Variants in RNF157 observed in about 807,000 individuals in gnomAD.
RNF157 encodes ring finger protein 157, also known as E3 ubiquitin ligase RNF157.
In RNF157, 55 loss-of-function variants were observed where a neutral mutation model predicts 88.3. The ratio of observed to expected loss-of-function variants is 0.62; its 90% CI spans 0.50 to 0.78. The LOEUF (loss-of-function observed/expected upper bound fraction) is 0.78, where lower values mean the gene tolerates loss of function less well. RNF157 is among the 30% of genes least tolerant of loss of function. The probability of loss-of-function intolerance (pLI) is 0.00; values close to 1 mark genes in which losing one functional copy is unlikely to be tolerated. For missense variants in RNF157, 788 were observed against 860.8 expected (o/e 0.92, Z 1.06); for synonymous variants, 334 against 341.2 (o/e 0.98, Z 0.23).
intron 2 of RNF157, among the ~76,000 whole-genome samples, chr17:76,205,582 G>A (rs1452967289): frequency 2.0e-5 from 3 of 152,104 alleles, no homozygotes; most frequent in East Asian, 3.8e-4. Context: ...AAAACTAGCT[G>A]AGCGTGGTGG....
At chr17:76,167,517 A>T (rs767362051) in intron 4 of RNF157, 134 bp downstream of exon 4, 7 of 1,305,242 alleles carry the variant, frequency 5.4e-6, no homozygotes, top group Non-Finnish European at 7.5e-6. Context: ...TGGATAAGAC[A>T]TGGACTCTCC....
rs2144850289 is a variant in RNF157, at chr17:76,165,535, G to A, written c.639C>T (p.Gly213=). The stretch of plus-strand genomic sequence containing the variant: ...AAGTACCCAGCAGTACATGGCAATG[G>A]CCAAAATACTCTGAAAGAAACAAAG... The part of the protein sequence containing the change: ...AVVDEGDEYF[G]HCHVLLGTFE... Residue 213 remains glycine, a synonymous_variant, in exon 7 of 19, where the codon GGC becomes GGT. Coordinates refer to ENST00000269391, the MANE Select transcript of RNF157 (RefSeq NM_052916.3). 1.2e-6 allele frequency: 2 copies of A among 1,614,166 alleles called. No homozygotes were observed. Among genetic ancestry groups the A allele is most frequent in the East Asian group, 2.2e-5 (1 of 44,886 alleles).
At chr17:76,182,810 G>GATATATATCCTATATATCCT (rs1443960254) in intron 2 of RNF157, among the ~76,000 whole-genome samples, 2 of 114,272 alleles carry the variant, frequency 1.8e-5, no homozygotes, top group South Asian at 2.7e-4. Flanking sequence ...ATATGAGAGA[G>GATATATATCCTATATATCCT]ATATATATCC....
chr17:76,216,102 G>T (rs1350894796), intron 1 of RNF157, among the ~76,000 whole-genome samples: 1 of 152,190 alleles, frequency 6.6e-6, no homozygotes, highest in Non-Finnish European at 1.5e-5. Flanking sequence ...AATTGGAAAA[G>T]TTAAAGATGT....
chr17:76,175,548 C>T (rs2069089832), intron 2 of RNF157, among the ~76,000 whole-genome samples: 1 of 152,142 alleles, frequency 6.6e-6, no homozygotes, highest in Non-Finnish European at 1.5e-5. Context: ...CCCAACTTTC[C>T]TAGGCTGTCA....
intron 1 of RNF157, among the ~76,000 whole-genome samples, chr17:76,237,825 A>G (rs1161266673): frequency 6.6e-6 from 1 of 151,976 alleles, no homozygotes; most frequent in African/African-American, 2.4e-5. Flanking sequence ...TCACACCCGT[A>G]ATCCCAGCAC....
At chr17:76,154,525 G>A (rs961582093) in intron 16 of RNF157, 197 bp from the exon 17 acceptor site, 1 of 597,110 alleles carries the variant, frequency 1.7e-6, no homozygotes, top group Non-Finnish European at 3.0e-6. Context: ...TCTGCCTACA[G>A]GGATTAGATC....
rs377693807 is a variant in RNF157, at chr17:76,159,844, A to T, written c.1066-271T>A. On this transcript the variant is annotated intron_variant, in intron 11 of 18. Transcript: ENST00000269391. ...CATAAAAGTAAAAGTAAGGAAAAAA[A>T]ATCACCAGTAATCAAATCACCCAAA... is the stretch of plus-strand genomic sequence containing the variant. Among the ~76,000 whole-genome samples the T allele has an allele frequency of 1.2e-4, 18 of 152,322 alleles. No individual in the cohort carries two copies. The South Asian group carries it at 3.1e-3, about 26-fold the overall frequency.
At position 76,213,329 on chromosome 17, in the gene RNF157, G is replaced by A. The variant is rs1329917369; in HGVS notation, c.89-847C>T. Among the ~76,000 whole-genome samples, 5 of 152,152 alleles carry A rather than the reference G, an allele frequency of 3.3e-5. No individual in the cohort carries two copies. In the East Asian group the frequency reaches 9.7e-4, roughly 29 times the overall value. On this transcript the variant is annotated intron_variant, in intron 1 of 18. Coordinates refer to ENST00000269391, the MANE Select transcript of RNF157 (RefSeq NM_052916.3). ...TCATGCCTGTAATCCCAGCACTTTG[G>A]GAGGCTGAGGAGGGCGGATCACTTG...
rs138554476 is a variant in RNF157 at position 76,206,900 on chromosome 17, C to T, written c.207+5464G>A. Among the ~76,000 whole-genome samples, 448 of 152,280 alleles carry T rather than the reference C, an allele frequency of 2.9e-3. 3 individuals are homozygous for T. The highest frequency in any genetic ancestry group is 0.01 in the African/African-American group (420 of 41,562). ...CATGCTGCTTTTTGTCCAGCAATTACAAGGAATCTTCCAAGCATTACATTA... is the reference window on the plus strand; with the variant it reads ...CATGCTGCTTTTTGTCCAGCAATTATAAGGAATCTTCCAAGCATTACATTA... On this transcript the variant is annotated intron_variant, in intron 2 of 18. Transcript: ENST00000269391.
intron 2 of RNF157, among the ~76,000 whole-genome samples, chr17:76,174,563 G>T (rs1598404588): frequency 6.6e-6 from 1 of 152,260 alleles, no homozygotes; most frequent in East Asian, 1.9e-4. Flanking sequence ...TGTTATTTGG[G>T]CAATCAAAAT....
At chr17:76,181,907 CAAA>C (rs36009510) in intron 2 of RNF157, among the ~76,000 whole-genome samples, 2 of 75,914 alleles carry the variant, frequency 2.6e-5, no homozygotes, top group Non-Finnish European at 2.8e-5. Flanking sequence ...GACTCTGTCT[CAAA>C]AAAAAAAAAA....
chr17:76,226,340 G>A (rs1295045394), intron 1 of RNF157: 2 of 1,600,090 alleles, frequency 1.2e-6, no homozygotes, highest in Admixed American at 1.7e-5. Flanking sequence ...GAAGGTGAAG[G>A]GGGCAACCTG....
intron 7 of RNF157, 58 bp from the exon 8 acceptor site, chr17:76,164,853 T>C: frequency 7.6e-7 from 1 of 1,316,508 alleles, no homozygotes; most frequent in South Asian, 1.2e-5. Flanking sequence ...GCACCAGGTA[T>C]TCTTCTGTTA....
chr17:76,156,229 G>C lies in RNF157; in HGVS notation c.1506C>G (p.Ser502=), dbSNP rs1454370825. ...QSSCTGTPLS[S]TISSPEGPAS... Reference sequence around the variant, plus strand: ...ATGTACCTTCTGGGGAGGAAATAGTGGATGACAGAGGCGTCCCTGTGCAAG... The same window carrying C: ...ATGTACCTTCTGGGGAGGAAATAGTCGATGACAGAGGCGTCCCTGTGCAAG... The change falls in exon 14 of 19, where the codon TCC becomes TCG. Residue 502 remains serine, a synonymous_variant. Transcript: ENST00000269391. The C allele has an allele frequency of 6.2e-7, 1 of 1,613,748 alleles. No homozygotes were observed. Among genetic ancestry groups the C allele is most frequent in the Admixed American group, 1.7e-5 (1 of 60,016 alleles).
At chr17:76,205,702 C>T (rs1340671187) in intron 2 of RNF157, among the ~76,000 whole-genome samples, 2 of 150,738 alleles carry the variant, frequency 1.3e-5, no homozygotes, top group African/African-American at 2.5e-5. Flanking sequence ...TCTAGCCTGG[C>T]GACGGAGCAA....
intron 1 of RNF157, among the ~76,000 whole-genome samples, chr17:76,222,824 C>CTG (rs1181268213): frequency 2.6e-5 from 4 of 151,706 alleles, no homozygotes; most frequent in Non-Finnish European, 4.4e-5. Context: ...AATCAAACAA[C>CTG]TGTGTGTGTG....
intron 18 of RNF157, among the ~76,000 whole-genome samples, chr17:76,148,872 T>C (rs1354590250): frequency 6.6e-6 from 1 of 152,112 alleles, no homozygotes; most frequent in East Asian, 1.9e-4. Context: ...GCCCGGCCTA[T>C]CTTTGCCTTT....
At chr17:76,198,613 A>G (rs1164435854) in intron 2 of RNF157, among the ~76,000 whole-genome samples, 1 of 152,220 alleles carries the variant, frequency 6.6e-6, no homozygotes, top group Non-Finnish European at 1.5e-5. Flanking sequence ...TTCCTTCTGC[A>G]GCCTGAGGTC....
Sources: gnomAD v4.1 joint callset for allele counts (sites outside exome capture counted in the v4.1 genomes callset) on GRCh38, gnomAD v4.1.1 for gene constraint, MANE v1.5 for transcripts, NCBI Gene and HGNC (gene_info 2026-07-23, HGNC 2026-07-21) for gene names.